Variants in ZNF558 observed in about 807,000 individuals in gnomAD.
ZNF558 encodes zinc finger protein 558.
Under a neutral mutation model 37.6 loss-of-function variants are expected in ZNF558, and 23 were observed. The ratio of observed to expected loss-of-function variants is 0.61; its 90% confidence interval spans 0.44 to 0.87. The LOEUF (loss-of-function observed/expected upper bound fraction) is 0.87, where lower values mean the gene tolerates loss of function less well. Among genes scored for constraint, ZNF558 ranks in the 40% least tolerant of loss-of-function variants. The pLI is 0.00. For synonymous variants in ZNF558, 189 were observed against 174.4 expected (o/e 1.08, Z -0.66); for missense variants, 429 against 483.7 (o/e 0.89, Z 1.06).
intron 6 of ZNF558, 93 bp downstream of exon 6, chr19:8,821,910 G>T: frequency 6.4e-7 from 1 of 1,564,056 alleles, no homozygotes; most frequent in Non-Finnish European, 8.7e-7. Context: ...TGAGGACCTG[G>T]TTTGGCCATG....
Position 8,808,482 on chromosome 19 carries a change from C to T in ZNF558, c.*2799G>A, listed in dbSNP as rs1465402894. 6.6e-6 allele frequency: 1 copy of T among 151,942 alleles called. No homozygotes were observed. Among genetic ancestry groups the T allele is most frequent in the Non-Finnish European group, 1.5e-5 (1 of 67,996 alleles). 9.4% of individuals were successfully genotyped at this position (151,942 alleles called of 1,614,324 possible). ...AAATGACAAAATTACAGTGTTAATA[C>T]ATAAACATAATGGAAGAGTTTACCA... On this transcript the variant is annotated 3_prime_UTR_variant, in exon 10 of 10. Transcript: ENST00000601372.
chr19:8,815,107 C>T (rs934618225), intron 7 of ZNF558, among the ~76,000 whole-genome samples: 4 of 152,030 alleles, frequency 2.6e-5, no homozygotes, highest in African/African-American at 9.7e-5. Flanking sequence ...AAACGTTGGG[C>T]CCATTACAAG....
chr19:8,837,500 T>C, the ZNF558 span, among the ~76,000 whole-genome samples: 1 of 152,150 alleles, frequency 6.6e-6, no homozygotes, highest in South Asian at 2.1e-4. Context: ...TCTAGGAATA[T>C]AAAATTCCAG....
rs1413021073 is a variant in ZNF558 at position 8,810,746 on chromosome 19, G to GGT, written c.*533_*534dup. The GGT allele has an allele frequency of 1.3e-5, 2 of 152,808 alleles. No individual in the cohort carries two copies. The highest frequency in any genetic ancestry group is 2.9e-5 in the Non-Finnish European group (2 of 68,560). 9.5% of individuals were successfully genotyped at this position (152,808 alleles called of 1,614,324 possible). A position where few individuals can be genotyped will look rare whatever the true frequency, so the allele number is the denominator to read the frequency against. Reference sequence around the variant, plus strand: ...CAGTCTCTCACATTGTATCAGGATTGGTGTGTTGTGAGACCAACACAATAG... The same window carrying GGT: ...CAGTCTCTCACATTGTATCAGGATTGGTGTGTGTTGTGAGACCAACACAATAG... On this transcript the variant is annotated 3_prime_UTR_variant, in exon 10 of 10. Coordinates refer to ENST00000601372, the MANE Select transcript of ZNF558 (RefSeq NM_144693.3).
upstream of ZNF558, among the ~76,000 whole-genome samples, chr19:8,836,335 T>G (rs1355678798): frequency 6.6e-6 from 1 of 151,920 alleles, no homozygotes; most frequent in African/African-American, 2.4e-5. Context: ...TGTGAGTTCT[T>G]CTCTTCTTCC....
intron 7 of ZNF558, among the ~76,000 whole-genome samples, chr19:8,817,301 C>G (rs1304331897): frequency 6.6e-6 from 1 of 152,110 alleles, no homozygotes; most frequent in Admixed American, 6.6e-5. Flanking sequence ...GTACAAAGAT[C>G]ATACGCATTC....
chr19:8,836,703 G>C (rs1044836582), upstream of ZNF558, among the ~76,000 whole-genome samples: 2 of 152,136 alleles, frequency 1.3e-5, no homozygotes, highest in African/African-American at 4.8e-5. Flanking sequence ...CACCACAGAG[G>C]CTAGTCTCGA....
rs250316 is a variant in ZNF558, at chr19:8,810,357, C to T, written c.*924G>A. On this transcript the variant is annotated 3_prime_UTR_variant, in exon 10 of 10. Transcript: ENST00000601372. The stretch of plus-strand genomic sequence containing the variant: ...TTGTTCCATTGTGTGATTTCCAGTG[C>T]GTCTTAAGGGATGACTGTCACTGAA... The T allele has an allele frequency of 0.85, 130,099 of 152,216 alleles. 56,027 individuals carry two copies. The highest frequency in any genetic ancestry group is 0.96 in the African/African-American group (39,746 of 41,564). The allele number at this position is 152,216 out of a possible 1,614,324, so 9.4% of individuals were successfully genotyped here. A position where few individuals can be genotyped will look rare whatever the true frequency, so the allele number is the denominator to read the frequency against.
chr19:8,814,776 A>G (rs960153650), intron 7 of ZNF558, among the ~76,000 whole-genome samples: 2 of 152,206 alleles, frequency 1.3e-5, no homozygotes, highest in East Asian at 1.9e-4. Flanking sequence ...TCAAATCACT[A>G]TATGACCATT....
upstream of ZNF558, among the ~76,000 whole-genome samples, chr19:8,836,722 G>A (rs892688065): frequency 6.6e-6 from 1 of 152,128 alleles, no homozygotes; most frequent in Non-Finnish European, 1.5e-5. Context: ...GAACTCCTGA[G>A]CGCAAGCAAT....
upstream of ZNF558, chr19:8,833,252 T>G (rs1195174628): frequency 1.3e-5 from 2 of 152,212 alleles, no homozygotes; most frequent in African/African-American, 4.8e-5. Context: ...GATCAGATTA[T>G]GTATGCACAT....
chr19:8,829,164 C>T (rs757481443), intron 2 of ZNF558, among the ~76,000 whole-genome samples: 17 of 151,382 alleles, frequency 1.1e-4, no homozygotes, highest in African/African-American at 1.7e-4. Context: ...CAGGAGGCTG[C>T]GGCAGAACTG....
Position 8,825,127 on chromosome 19 carries a change from T to A in ZNF558, c.-508-19A>T, listed in dbSNP as rs2145280710. 6.6e-6 allele frequency: 1 copy of A among 152,348 alleles called. No individual in the cohort carries two copies. Among genetic ancestry groups the A allele is most frequent in the African/African-American group, 2.4e-5 (1 of 41,588 alleles). 9.4% of individuals were successfully genotyped at this position (152,348 alleles called of 1,614,324 possible). On this transcript the variant is annotated intron_variant, in intron 2 of 9. Transcript: ENST00000601372. ...GTAACCCCTAGGGAAGGAAACGTGC[T>A]GATGTCAAGCAAACCTGCAAAAAAC...
chr19:8,817,801 CAT>C (rs1014939083), intron 7 of ZNF558, among the ~76,000 whole-genome samples: 1 of 152,062 alleles, frequency 6.6e-6, no homozygotes, highest in Non-Finnish European at 1.5e-5. Context: ...CGATTATAAA[CAT>C]ATATGTGCCT....
intron 8 of ZNF558, among the ~76,000 whole-genome samples, chr19:8,812,885 C>T (rs1357271980): frequency 6.6e-6 from 1 of 152,144 alleles, no homozygotes; most frequent in Non-Finnish European, 1.5e-5. Context: ...CTGAAATTTT[C>T]AAAAGAGTTG....
intron 7 of ZNF558, among the ~76,000 whole-genome samples, chr19:8,819,559 T>G (rs1457110477): frequency 6.6e-6 from 1 of 152,230 alleles, no homozygotes; most frequent in Non-Finnish European, 1.5e-5. Flanking sequence ...ATCATTTATG[T>G]ATTATATTTT....
chr19:8,822,790 C>T lies in ZNF558; in HGVS notation c.-65-66G>A. 1.5e-6 allele frequency: 2 copies of T among 1,363,182 alleles called. No individual in the cohort carries two copies. Among genetic ancestry groups the T allele is most frequent in the Non-Finnish European group, 2.1e-6 (2 of 972,412 alleles). 84.4% of individuals were successfully genotyped at this position (1,363,182 alleles called of 1,614,324 possible). The stretch of plus-strand genomic sequence containing the variant: ...CCCTCTCGGGCTGCTGGGGATGGGC[C>T]CTCCTCAACCCATCCTTCCCATCCT... On this transcript the variant is annotated intron_variant, in intron 4 of 9. Transcript: ENST00000601372. The surrounding 1 kb of genome is among the most constrained non-coding windows in gnomAD (Gnocchi z 4.4).
At chr19:8,817,882 T>C (rs547129636) in intron 7 of ZNF558, among the ~76,000 whole-genome samples, 2 of 152,318 alleles carry the variant, frequency 1.3e-5, no homozygotes, top group South Asian at 4.1e-4. Flanking sequence ...TGTTCTATAA[T>C]AATCGTTTGA....
upstream of ZNF558, among the ~76,000 whole-genome samples, chr19:8,836,832 T>C (rs1347524131): frequency 6.6e-6 from 1 of 152,182 alleles, no homozygotes; most frequent in Non-Finnish European, 1.5e-5. Flanking sequence ...CATTATTAAA[T>C]GGCAAAACAA....
Sources: allele counts gnomAD v4.1 joint callset (sites outside exome capture counted in the v4.1 genomes callset), GRCh38; gene constraint gnomAD v4.1.1; non-coding constraint Gnocchi (gnomAD v3.1); transcripts MANE v1.5; gene names NCBI Gene and HGNC (gene_info 2026-07-23, HGNC 2026-07-21).